ASIC2: variants seen among roughly 807,000 people sequenced by gnomAD.
ASIC2 encodes acid sensing ion channel subunit 2, also known as acid-sensing ion channel 2.
A neutral mutation model predicts 57.3 loss-of-function variants in ASIC2; 25 were observed. That is an observed-to-expected ratio of 0.44 (90% CI 0.32 to 0.61). The LOEUF (loss-of-function observed/expected upper bound fraction) is 0.61, where lower values mean the gene tolerates loss of function less well. Ranked by LOEUF, ASIC2 falls within the 20% of genes least tolerant of loss-of-function variation. ASIC2 has a pLI of 0.06. For synonymous variants in ASIC2, 319 were observed against 307.5 expected (o/e 1.04, Z -0.39); for missense variants, 641 against 738.1 (o/e 0.87, Z 1.52).
At chr17:33,732,903 G>T (rs1046633576) in intron 1 of ASIC2, among the ~76,000 whole-genome samples, 12 of 152,180 alleles carry the variant, frequency 7.9e-5, no homozygotes, top group African/African-American at 2.9e-4. Flanking sequence ...CTCTCAAAAT[G>T]TTGGGATTAT....
intron 1 of ASIC2, among the ~76,000 whole-genome samples, chr17:33,556,827 A>G (rs901220322): frequency 1.9e-4 from 29 of 152,214 alleles, no homozygotes; most frequent in Admixed American, 1.8e-3. Flanking sequence ...TCCTCTCAGC[A>G]TATTTCCATT....
intron 1 of ASIC2, among the ~76,000 whole-genome samples, chr17:33,906,323 G>A (rs1253841563): frequency 6.6e-6 from 1 of 152,202 alleles, no homozygotes; most frequent in Non-Finnish European, 1.5e-5. Flanking sequence ...TCCCCTAGGA[G>A]TAGGTCAAAG....
intron 1 of ASIC2, among the ~76,000 whole-genome samples, chr17:33,214,623 T>C (rs564887862): frequency 6.6e-6 from 1 of 152,230 alleles, no homozygotes; most frequent in Non-Finnish European, 1.5e-5. Flanking sequence ...CTTGGAGATC[T>C]TGTTGAAATG....
intron 1 of ASIC2, among the ~76,000 whole-genome samples, chr17:34,053,867 T>G (rs1245285345): frequency 3.3e-5 from 5 of 152,364 alleles, no homozygotes; most frequent in East Asian, 1.9e-4. Context: ...ATTGTTGGTG[T>G]GCTCCTCTGT....
chr17:34,090,159 G>A (rs1315333796), intron 1 of ASIC2, among the ~76,000 whole-genome samples: 1 of 152,168 alleles, frequency 6.6e-6, no homozygotes, highest in Non-Finnish European at 1.5e-5. Flanking sequence ...TGGAGGGCTA[G>A]GGGGATGTGG....
chr17:33,772,984 T>A (rs1005813230), intron 1 of ASIC2, among the ~76,000 whole-genome samples: 28 of 152,206 alleles, frequency 1.8e-4, no homozygotes, highest in African/African-American at 6.8e-4. Context: ...ACACAGCAAG[T>A]GCTTAATAAG....
intron 1 of ASIC2, among the ~76,000 whole-genome samples, chr17:33,781,800 C>A (rs1258522817): frequency 8.5e-5 from 13 of 152,162 alleles, no homozygotes; most frequent in Non-Finnish European, 1.6e-4. Context: ...ATGGACCCAG[C>A]CTTAAAGACA....
At chr17:33,958,157 G>A (rs1273906239) in intron 1 of ASIC2, among the ~76,000 whole-genome samples, 1 of 152,254 alleles carries the variant, frequency 6.6e-6, no homozygotes, top group Non-Finnish European at 1.5e-5. Context: ...GGCTTTGCAG[G>A]TACAGCTATC....
intron 1 of ASIC2, among the ~76,000 whole-genome samples, chr17:33,963,494 CTG>C (rs1430196787): frequency 6.6e-6 from 1 of 152,148 alleles, no homozygotes; most frequent in African/African-American, 2.4e-5. Context: ...GATGAGAAAA[CTG>C]AAGCTCAGAG....
At chr17:33,780,640 T>C (rs540764811) in intron 1 of ASIC2, among the ~76,000 whole-genome samples, 1 of 152,198 alleles carries the variant, frequency 6.6e-6, no homozygotes, top group African/African-American at 2.4e-5. Context: ...AGTCCAAAGG[T>C]GGGAAAATCC....
intron 1 of ASIC2, among the ~76,000 whole-genome samples, chr17:33,960,865 A>G (rs577368925): frequency 5.3e-5 from 8 of 152,278 alleles, no homozygotes; most frequent in Admixed American, 3.3e-4. Flanking sequence ...ATCCCAGAAT[A>G]TAAGGCCCCG....
chr17:33,629,547 G>A (rs9904346), intron 1 of ASIC2, among the ~76,000 whole-genome samples: 46,019 of 152,110 alleles, frequency 0.3, 7,155 homozygotes, highest in East Asian at 0.42. Flanking sequence ...TGTCTGTACA[G>A]TGAGGGAGGT....
At chr17:33,608,419 C>T (rs1905291547) in intron 1 of ASIC2, among the ~76,000 whole-genome samples, 2 of 152,228 alleles carry the variant, frequency 1.3e-5, no homozygotes, top group South Asian at 2.1e-4. Context: ...CATATATTTT[C>T]GGCATCTCCA....
intron 1 of ASIC2, among the ~76,000 whole-genome samples, chr17:33,180,647 G>C (rs1905944950): frequency 6.6e-6 from 1 of 152,176 alleles, no homozygotes; most frequent in Non-Finnish European, 1.5e-5. Context: ...TGGGGATGCT[G>C]ACTTACTGAA....
chr17:33,591,326 G>T (rs971356717), intron 1 of ASIC2, among the ~76,000 whole-genome samples: 2 of 152,198 alleles, frequency 1.3e-5, no homozygotes, highest in Non-Finnish European at 2.9e-5. Context: ...CTGATAGTTA[G>T]TAGGGGTCCA....
At chr17:33,845,883 G>T (rs1218355098) in intron 1 of ASIC2, among the ~76,000 whole-genome samples, 2 of 152,086 alleles carry the variant, frequency 1.3e-5, no homozygotes, top group East Asian at 3.9e-4. Flanking sequence ...AGTCCCTATT[G>T]CCTCCAACCT....
chr17:33,918,133 T>A, intron 1 of ASIC2, among the ~76,000 whole-genome samples: 1 of 152,224 alleles, frequency 6.6e-6, no homozygotes, highest in East Asian at 1.9e-4. Flanking sequence ...TGATGTTTCC[T>A]TTTCCAGGAA....
intron 1 of ASIC2, among the ~76,000 whole-genome samples, chr17:34,100,087 C>T (rs566004864): frequency 6.6e-6 from 1 of 152,222 alleles, no homozygotes; most frequent in Admixed American, 6.5e-5. Context: ...ACACATTGTC[C>T]CTGCAGACCA....
At chr17:33,288,488 G>C (rs1336105758) in intron 1 of ASIC2, among the ~76,000 whole-genome samples, 1 of 152,140 alleles carries the variant, frequency 6.6e-6, no homozygotes, top group African/African-American at 2.4e-5. Context: ...GAGGGTCTGA[G>C]GAGCTCAGGT....
Sources: allele counts gnomAD v4.1 joint callset (sites outside exome capture counted in the v4.1 genomes callset), GRCh38; gene constraint gnomAD v4.1.1; transcripts MANE v1.5; gene names NCBI Gene and HGNC (gene_info 2026-07-23, HGNC 2026-07-21).